Variants in CAMKMT observed in about 807,000 individuals in gnomAD.
CAMKMT encodes the protein calmodulin-lysine N-methyltransferase.
A neutral mutation model predicts 48.0 loss-of-function variants in CAMKMT; 53 were observed. The ratio of observed to expected loss-of-function variants is 1.10; its 90% CI spans 0.89 to 1.39. The LOEUF is 1.39. Ranked by LOEUF, CAMKMT falls within the 40% of genes most tolerant of loss-of-function variation. The pLI is 0.00. For synonymous variants in CAMKMT, 165 were observed against 152.3 expected (o/e 1.08, Z -0.61); for missense variants, 428 against 402.7 (o/e 1.06, Z -0.54).
At chr2:44,572,362 T>A (rs1668956734) in intron 3 of CAMKMT, among the ~76,000 whole-genome samples, 1 of 152,178 alleles carries the variant, frequency 6.6e-6, no homozygotes, top group Admixed American at 6.5e-5. Context: ...GAATTTCATA[T>A]AAGACGAATC....
At chr2:44,660,951 A>G (rs775196627) in intron 3 of CAMKMT, among the ~76,000 whole-genome samples, 2 of 152,058 alleles carry the variant, frequency 1.3e-5, no homozygotes, top group African/African-American at 2.4e-5. Context: ...GTTTTTGGGA[A>G]TAGTTTTTTT....
intron 3 of CAMKMT, among the ~76,000 whole-genome samples, chr2:44,656,132 C>A (rs528145804): frequency 6.6e-6 from 1 of 152,268 alleles, no homozygotes; most frequent in East Asian, 1.9e-4. Flanking sequence ...AGAGCTCTTT[C>A]TGAAGCATCA....
rs188675465 is a variant in CAMKMT at position 44,625,798 on chromosome 2, A to G, written c.377-78485A>G. ...TTCTCCCATTGAATTACTTTTACAT[A>G]TTGTTGAAAATTAATTGATGTAAAT... On this transcript the variant is annotated intron_variant, in intron 3 of 10. Transcript: ENST00000378494. Among the ~76,000 whole-genome samples the G allele has an allele frequency of 3.7e-3, 562 of 152,134 alleles. 2 individuals are homozygous for G. Among genetic ancestry groups the G allele is most frequent in the African/African-American group, 0.013 (543 of 41,514 alleles).
At chr2:44,591,997 G>A (rs573323748) in intron 3 of CAMKMT, among the ~76,000 whole-genome samples, 1 of 151,582 alleles carries the variant, frequency 6.6e-6, no homozygotes, top group South Asian at 2.1e-4. Context: ...CTCACTCATA[G>A]GTGGGAATTG....
intron 3 of CAMKMT, among the ~76,000 whole-genome samples, chr2:44,591,870 A>G (rs973472094): frequency 4.6e-5 from 7 of 152,158 alleles, no homozygotes; most frequent in East Asian, 1.9e-4. Flanking sequence ...ACACCATGGA[A>G]TACTATGCAG....
chr2:44,582,572 A>C (rs547485664), intron 3 of CAMKMT, among the ~76,000 whole-genome samples: 1 of 152,224 alleles, frequency 6.6e-6, no homozygotes, highest in African/African-American at 2.4e-5. Context: ...AAGTCCAGCA[A>C]TACCACATTC....
At position 44,372,899 on chromosome 2, in the gene CAMKMT, T is replaced by C; in HGVS notation, c.311+11T>C. On this transcript the variant is annotated intron_variant, in intron 2 of 10. Coordinates refer to ENST00000378494, the MANE Select transcript of CAMKMT (RefSeq NM_024766.5). ...CAGTATCTCCTTAAGGTAACCATTA[T>C]TCTAGTTAAGATTTTGTAAACACTA... is the stretch of plus-strand genomic sequence containing the variant. 6.3e-7 allele frequency: 1 copy of C among 1,598,820 alleles called. No homozygotes were observed. The highest frequency in any genetic ancestry group is 8.5e-7 in the Non-Finnish European group (1 of 1,174,722).
intron 3 of CAMKMT, among the ~76,000 whole-genome samples, chr2:44,503,080 A>G (rs1382488420): frequency 6.6e-6 from 1 of 152,166 alleles, no homozygotes; most frequent in African/African-American, 2.4e-5. Context: ...CTTACCAAAA[A>G]ATGCAACAAA....
At chr2:44,678,624 A>G (rs1347866674) in intron 3 of CAMKMT, among the ~76,000 whole-genome samples, 2 of 152,212 alleles carry the variant, frequency 1.3e-5, no homozygotes, top group Non-Finnish European at 2.9e-5. Context: ...TCAGCAAAAA[A>G]CGGACAATAC....
chr2:44,501,695 C>T lies in CAMKMT; in HGVS notation c.376+111390C>T, dbSNP rs527850550. Among the ~76,000 whole-genome samples, 256 of 152,132 alleles carry T rather than the reference C, an allele frequency of 1.7e-3. 2 individuals are homozygous for T. Among genetic ancestry groups the T allele is most frequent in the Middle Eastern group, 3.4e-3 (1 of 294 alleles). Reference sequence around the variant, plus strand: ...AGGAAATATTTTTATAGGTGCAGTTCGAATGTTTGAATTAGGATGTAACAT... The same window carrying T: ...AGGAAATATTTTTATAGGTGCAGTTTGAATGTTTGAATTAGGATGTAACAT... On this transcript the variant is annotated intron_variant, in intron 3 of 10. Transcript: ENST00000378494.
intron 3 of CAMKMT, among the ~76,000 whole-genome samples, chr2:44,472,618 A>T (rs1226452327): frequency 6.6e-6 from 1 of 152,176 alleles, no homozygotes; most frequent in African/African-American, 2.4e-5. Flanking sequence ...GAACCTGAGG[A>T]TACAAAAAAG....
intron 3 of CAMKMT, among the ~76,000 whole-genome samples, chr2:44,586,336 T>C (rs1490537802): frequency 1.3e-5 from 2 of 151,598 alleles, no homozygotes; most frequent in African/African-American, 4.9e-5. Flanking sequence ...TATATATATA[T>C]GTTAAAAGGA....
At chr2:44,649,132 T>C (rs1673917390) in intron 3 of CAMKMT, among the ~76,000 whole-genome samples, 1 of 152,146 alleles carries the variant, frequency 6.6e-6, no homozygotes, top group Non-Finnish European at 1.5e-5. Context: ...TGGGGGTATA[T>C]TGAACAGGTT....
chr2:44,372,608 A>G (rs920424696), intron 1 of CAMKMT, 108 bp from the exon 2 acceptor site: 12 of 834,168 alleles, frequency 1.4e-5, no homozygotes, highest in African/African-American at 3.4e-5. Context: ...CTAATCTGTC[A>G]TTATTAGAAG....
At chr2:44,437,156 T>C (rs572773659) in intron 3 of CAMKMT, among the ~76,000 whole-genome samples, 4 of 152,374 alleles carry the variant, frequency 2.6e-5, no homozygotes, top group African/African-American at 9.6e-5. Context: ...ATACATTTTA[T>C]TGAAGAATAC....
At chr2:44,746,360 A>G (rs1679917628) in intron 8 of CAMKMT, among the ~76,000 whole-genome samples, 1 of 152,258 alleles carries the variant, frequency 6.6e-6, no homozygotes, top group African/African-American at 2.4e-5. Flanking sequence ...CATGATTACA[A>G]CAAATGGTGA....
chr2:44,485,699 G>C (rs1210215703), intron 3 of CAMKMT, among the ~76,000 whole-genome samples: 1 of 152,134 alleles, frequency 6.6e-6, no homozygotes, highest in African/African-American at 2.4e-5. Context: ...CATAGGAAGG[G>C]TACAATAAAA....
chr2:44,668,639 A>G (rs530704359), intron 3 of CAMKMT, among the ~76,000 whole-genome samples: 2 of 152,266 alleles, frequency 1.3e-5, no homozygotes, highest in African/African-American at 2.4e-5. Flanking sequence ...AAATACACAT[A>G]CAAGACAGCA....
chr2:44,384,336 T>A lies in CAMKMT; in HGVS notation c.312-5905T>A, dbSNP rs971549756. On this transcript the variant is annotated intron_variant, in intron 2 of 10. Transcript: ENST00000378494. ...TTTGATGGGATTGTTTGTTTTTTTC[T>A]TACTGATTCGTTTGAGTTCGTTGTG... 2.0e-5 allele frequency among the ~76,000 whole-genome samples: 3 copies of A among 152,266 alleles called. No individual in the cohort carries two copies. The East Asian group carries it at 5.8e-4, about 29-fold the overall frequency.
Sources: gnomAD v4.1 joint callset for allele counts (sites outside exome capture counted in the v4.1 genomes callset) on GRCh38, gnomAD v4.1.1 for gene constraint, MANE v1.5 for transcripts, NCBI Gene and HGNC (gene_info 2026-07-23, HGNC 2026-07-21) for gene names.